Variants in MCMBP observed in about 807,000 individuals in gnomAD.
The protein encoded by MCMBP is mini-chromosome maintenance complex-binding protein.
In MCMBP, 31 loss-of-function variants were observed where a neutral mutation model predicts 81.3. The observed-to-expected ratio is 0.38, with a 90% confidence interval of 0.29 to 0.51. The LOEUF (loss-of-function observed/expected upper bound fraction) is 0.51. Among genes scored for constraint, MCMBP ranks in the 20% least tolerant of loss-of-function variants. The probability of loss-of-function intolerance (pLI) is 0.87; values close to 1 mark genes in which losing one functional copy is unlikely to be tolerated. For synonymous variants in MCMBP, 267 were observed against 275.9 expected (o/e 0.97, Z 0.32); for missense variants, 645 against 772.1 (o/e 0.84, Z 1.95).
chr10:119,841,149 C>T (rs987489302), intron 10 of MCMBP, among the ~76,000 whole-genome samples, 189 bp from the exon 11 acceptor site: 6 of 152,236 alleles, frequency 3.9e-5, no homozygotes, highest in African/African-American at 1.2e-4. Flanking sequence ...CTGCTGGTCA[C>T]GTGCCAAAGA....
At chr10:119,832,596 T>C (rs193000829) in intron 14 of MCMBP, among the ~76,000 whole-genome samples, 1 of 152,168 alleles carries the variant, frequency 6.6e-6, no homozygotes, top group Admixed American at 6.5e-5. Context: ...GCTTCAAAAA[T>C]CAACAGCCTG....
chr10:119,856,161 G>A (rs1437197377), intron 5 of MCMBP, among the ~76,000 whole-genome samples: 1 of 152,194 alleles, frequency 6.6e-6, no homozygotes, highest in Non-Finnish European at 1.5e-5. Flanking sequence ...GATGGAGGTT[G>A]CAGTGAGCCA....
intron 14 of MCMBP, among the ~76,000 whole-genome samples, chr10:119,832,505 G>A (rs538571578): frequency 1.3e-5 from 2 of 152,096 alleles, no homozygotes; most frequent in Non-Finnish European, 2.9e-5. Context: ...GTGATTATTG[G>A]TAAGAATGTT....
chr10:119,834,853 C>A (rs1852180900), intron 14 of MCMBP, among the ~76,000 whole-genome samples: 2 of 128,108 alleles, frequency 1.6e-5, no homozygotes, highest in South Asian at 2.8e-4. Flanking sequence ...CACAGCGAGA[C>A]CCTGTCTCAA....
intron 1 of MCMBP, among the ~76,000 whole-genome samples, chr10:119,870,703 G>GT (rs1853640877): frequency 2.0e-5 from 3 of 152,114 alleles, no homozygotes; most frequent in African/African-American, 7.2e-5. Context: ...GTGCCTATAA[G>GT]TTATCACACA....
intron 6 of MCMBP, among the ~76,000 whole-genome samples, chr10:119,852,549 G>A (rs373015484): frequency 2.6e-5 from 4 of 152,140 alleles, no homozygotes; most frequent in Non-Finnish European, 5.9e-5. Context: ...GGTGGCATGC[G>A]CCTATAGCCT....
At chr10:119,841,500 T>C (rs151179868) in intron 10 of MCMBP, among the ~76,000 whole-genome samples, 1 of 152,332 alleles carries the variant, frequency 6.6e-6, no homozygotes, top group African/African-American at 2.4e-5. Context: ...GTGAAATACT[T>C]TGCAGCCACT....
chr10:119,871,790 T>C (rs1221952283), intron 1 of MCMBP, among the ~76,000 whole-genome samples: 1 of 152,184 alleles, frequency 6.6e-6, no homozygotes, highest in Non-Finnish European at 1.5e-5. Flanking sequence ...AAATGCCCAG[T>C]TAACGACAAC....
In MCMBP at chr10:119,849,517, T is replaced by C. The variant is rs780725200; in HGVS notation, c.634A>G (p.Thr212Ala). 3 of 1,608,622 alleles carry C rather than the reference T, an allele frequency of 1.9e-6. No homozygotes were observed. The highest frequency in any genetic ancestry group is 1.1e-5 in the South Asian group (1 of 89,998). Residue 212 changes from threonine to alanine, a missense_variant, in exon 7 of 16, where the codon ACT becomes GCT. Transcript: ENST00000369077. ...EPKRLETEAS[T>A]GQQLNSLNLS... ...TTCAGAGAGTTCAGCTGTTGCCCAG[T>C]AGAAGCTTCAGTTTCTAAACGTTTT...
At chr10:119,850,991 G>A (rs1399825221) in intron 6 of MCMBP, among the ~76,000 whole-genome samples, 1 of 149,932 alleles carries the variant, frequency 6.7e-6, no homozygotes. Context: ...TCCTGCCTCA[G>A]TCTCCCAAGT....
rs1852602427 is a variant in MCMBP, at chr10:119,845,984, A to G, written c.827+1629T>C. Among the ~76,000 whole-genome samples, 5 of 152,210 alleles carry G rather than the reference A, an allele frequency of 3.3e-5. No individual in the cohort carries two copies. The South Asian group carries it at 1.0e-3, about 32-fold the overall frequency. On this transcript the variant is annotated intron_variant, in intron 8 of 15. Coordinates refer to ENST00000369077, the MANE Select transcript of MCMBP (RefSeq NM_001256378.2). ...GACATTAGAAATACACAAAACATGCATGTGAGTGTGTATGTGTGCATTTAA... is the reference window on the plus strand; with the variant it reads ...GACATTAGAAATACACAAAACATGCGTGTGAGTGTGTATGTGTGCATTTAA...
chr10:119,865,240 C>T (rs1039806994), intron 1 of MCMBP, among the ~76,000 whole-genome samples: 1 of 152,208 alleles, frequency 6.6e-6, no homozygotes, highest in African/African-American at 2.4e-5. Flanking sequence ...TCTTGGTGAA[C>T]TGACTGTTTT....
At chr10:119,846,913 GAAA>G (rs879520650) in intron 8 of MCMBP, among the ~76,000 whole-genome samples, 1 of 143,992 alleles carries the variant, frequency 6.9e-6, no homozygotes, top group African/African-American at 2.5e-5. Context: ...GTTGTTTAAG[GAAA>G]AAAAAAAAGT....
At chr10:119,854,254 T>C (rs1156794434) in intron 5 of MCMBP, among the ~76,000 whole-genome samples, 1 of 151,744 alleles carries the variant, frequency 6.6e-6, no homozygotes, top group Admixed American at 6.6e-5. Context: ...GTTGGCCAGG[T>C]TGGTCTCAAA....
intron 15 of MCMBP, 114 bp from the exon 16 acceptor site, chr10:119,831,714 C>T: frequency 1.1e-5 from 13 of 1,231,174 alleles, no homozygotes; most frequent in Non-Finnish European, 1.4e-5. Context: ...GGAGACAAGA[C>T]CGTATGGTAG....
At chr10:119,853,242 T>C in intron 5 of MCMBP, 48 bp from the exon 6 acceptor site, 1 of 1,554,908 alleles carries the variant, frequency 6.4e-7, no homozygotes, top group Non-Finnish European at 8.7e-7. Context: ...AGGAATATCC[T>C]AAAGTTTTGC....
chr10:119,832,146 A>G, intron 14 of MCMBP, 46 bp from the exon 15 acceptor site: 1 of 1,549,950 alleles, frequency 6.5e-7, no homozygotes, highest in Non-Finnish European at 8.8e-7. Flanking sequence ...TTTGTAAGGA[A>G]AAGAAAATTA....
chr10:119,850,531 C>T (rs1480774874), intron 6 of MCMBP, among the ~76,000 whole-genome samples: 10 of 151,932 alleles, frequency 6.6e-5, no homozygotes, highest in African/African-American at 2.4e-4. Context: ...AGGTGGATCA[C>T]GAGGTCAGGA....
intron 14 of MCMBP, among the ~76,000 whole-genome samples, chr10:119,833,487 A>G (rs1852122242): frequency 6.6e-6 from 1 of 151,724 alleles, no homozygotes; most frequent in South Asian, 2.1e-4. Context: ...AAAAAAAAAA[A>G]GAAAGAAAAA....
Sources: allele counts gnomAD v4.1 joint callset (sites outside exome capture counted in the v4.1 genomes callset), GRCh38; gene constraint gnomAD v4.1.1; transcripts MANE v1.5; gene names NCBI Gene and HGNC (gene_info 2026-07-23, HGNC 2026-07-21).